Variants in TMEM243 observed in about 807,000 individuals in gnomAD.
TMEM243 encodes transmembrane protein 243, also known as MDR1 and mitochondrial taxol resistance associated.
TMEM243 carries 20 observed loss-of-function variants against 15.0 expected under a neutral mutation model. That is an observed-to-expected ratio of 1.33 (90% CI 0.94 to 1.93). The LOEUF is 1.93. Among genes scored for constraint, TMEM243 ranks in the 30% most tolerant of loss-of-function variants. The pLI is 0.00. For missense variants in TMEM243, 156 were observed against 142.1 expected, an observed-to-expected ratio of 1.10 and a Z score of -0.50; for synonymous variants, 72 against 52.7, an observed-to-expected ratio of 1.37 and a Z score of -1.59.
At chr7:87,211,026 C>G (rs1358501657) in intron 1 of TMEM243, among the ~76,000 whole-genome samples, 3 of 152,238 alleles carry the variant, frequency 2.0e-5, no homozygotes, top group Admixed American at 2.0e-4. Flanking sequence ...GCACTGGAGT[C>G]CAGGACCTGA....
In TMEM243 at chr7:87,197,986, G is replaced by C. The variant is rs111700668; in HGVS notation, c.189C>G (p.Phe63Leu). The stretch of plus-strand genomic sequence containing the variant: ...TACTCAAAGAGATGCAGACAGCAAA[G>C]AATATATTCAACGGTTTTGGAGGTA... ...PQLPPKPLNI[F>L]FAVCISLSSI... The change falls in exon 3 of 4, where the codon TTC becomes TTG. Residue 63 changes from phenylalanine (F) to leucine (L), a missense_variant. Transcript: ENST00000257637. 3.7e-6 allele frequency: 6 copies of C among 1,613,020 alleles called. No homozygotes were observed. The East Asian group carries it at 8.9e-5, about 24-fold the overall frequency.
At chr7:87,210,759 T>C (rs532632155) in intron 1 of TMEM243, among the ~76,000 whole-genome samples, 2 of 152,270 alleles carry the variant, frequency 1.3e-5, no homozygotes, top group South Asian at 4.1e-4. Context: ...TGGCGCTGAG[T>C]GTCTGTGGCT....
intron 1 of TMEM243, among the ~76,000 whole-genome samples, chr7:87,214,253 TGA>T (rs932557154): frequency 2.6e-5 from 4 of 152,232 alleles, no homozygotes; most frequent in African/African-American, 4.8e-5. Context: ...AGATCAAGAC[TGA>T]CTCGCAAGCC....
At chr7:87,197,056 A>C (rs919970560) in intron 3 of TMEM243, among the ~76,000 whole-genome samples, 5 of 152,130 alleles carry the variant, frequency 3.3e-5, no homozygotes, top group Non-Finnish European at 7.4e-5. Context: ...ATACTACTTA[A>C]CAGGAAAGGA....
chr7:87,209,644 G>A (rs1802513113), intron 1 of TMEM243, among the ~76,000 whole-genome samples: 1 of 79,272 alleles, frequency 1.3e-5, no homozygotes, highest in Non-Finnish European at 2.4e-5. Flanking sequence ...GAGCGAGAGA[G>A]ACAGTGAGAG....
In TMEM243 at chr7:87,198,064, T is replaced by C. The variant is rs370336373; in HGVS notation, c.130-19A>G. The C allele has an allele frequency of 2.6e-5, 42 of 1,601,120 alleles. 1 individual carries two copies. The highest frequency in any genetic ancestry group is 1.7e-4 in the Middle Eastern group (1 of 6,012). On this transcript the variant is annotated intron_variant, in intron 2 of 3. Coordinates refer to ENST00000257637, the MANE Select transcript of TMEM243 (RefSeq NM_024315.4). Reference sequence around the variant, plus strand: ...GCGTTACCTGTATGAAGAGAAATTATGTAAGGCCTTAACAGTAATTCCAAG... The same window carrying C: ...GCGTTACCTGTATGAAGAGAAATTACGTAAGGCCTTAACAGTAATTCCAAG...
Position 87,209,877 on chromosome 7 carries a change from TGA to T in TMEM243, c.78+9547_78+9548del, listed in dbSNP as rs1459973423. Among the ~76,000 whole-genome samples, 43 of 112,758 alleles carry T rather than the reference TGA, an allele frequency of 3.8e-4. 1 individual carries two copies. Among genetic ancestry groups the T allele is most frequent in the African/African-American group, 1.5e-3 (42 of 27,156 alleles). The allele number at this position is 112,758 out of a possible 152,430, so 74.0% of individuals were successfully genotyped here. ...GAGAGAGAGAGAGAGCAAGAGACAG[TGA>T]GAGCGTGAGAGACAGTGAGAGAGTG... On this transcript the variant is annotated intron_variant, in intron 1 of 3. Transcript: ENST00000257637.
At chr7:87,199,825 A>G (rs998335904) in intron 1 of TMEM243, among the ~76,000 whole-genome samples, 5 of 152,206 alleles carry the variant, frequency 3.3e-5, no homozygotes, top group Admixed American at 2.6e-4. Context: ...TTGAAACCAG[A>G]GATTCCTAAA....
At chr7:87,205,369 AG>A (rs1378226397) in intron 1 of TMEM243, among the ~76,000 whole-genome samples, 3 of 150,674 alleles carry the variant, frequency 2.0e-5, no homozygotes, top group Non-Finnish European at 4.4e-5. Context: ...TTGCATTGTC[AG>A]GCTGCAAGTT....
intron 1 of TMEM243, among the ~76,000 whole-genome samples, chr7:87,215,494 CTTGT>C (rs1355701362): frequency 6.6e-6 from 1 of 152,050 alleles, no homozygotes; most frequent in Non-Finnish European, 1.5e-5. Context: ...TAATATTTCA[CTTGT>C]TTCTTTATAC....
intron 3 of TMEM243, among the ~76,000 whole-genome samples, chr7:87,197,448 C>T (rs1175272344): frequency 6.6e-6 from 1 of 152,060 alleles, no homozygotes; most frequent in Non-Finnish European, 1.5e-5. Context: ...GTAAATCAAA[C>T]ATTTTTACAA....
chr7:87,196,469 A>G lies in TMEM243; in HGVS notation c.*167T>C. The stretch of plus-strand genomic sequence containing the variant: ...AGCTCCTTAAAGAAAAAGCAAAGTG[A>G]TCTAGGATATGTCTCCCTTGCAAGA... On this transcript the variant is annotated 3_prime_UTR_variant, in exon 4 of 4. Transcript: ENST00000257637. The G allele has an allele frequency of 1.5e-6, 1 of 648,010 alleles. No homozygotes were observed. The allele number at this position is 648,010 out of a possible 1,614,324, so 40.1% of individuals were successfully genotyped here. A position where few individuals can be genotyped will look rare whatever the true frequency, so the allele number is the denominator to read the frequency against.
Position 87,197,965 on chromosome 7 carries a change from C to T in TMEM243, c.210G>A (p.Leu70=). ...LNIFFAVCIS[L]SSITACILIY... is the part of the protein sequence containing the mutation. ...CAAGTATGCAGGCAGTAATACTACT[C>T]AAAGAGATGCAGACAGCAAAGAATA... Residue 70 remains leucine (L), a synonymous_variant, in exon 3 of 4, where the codon TTG becomes TTA. Coordinates refer to ENST00000257637, the MANE Select transcript of TMEM243 (RefSeq NM_024315.4). 1 of 1,612,994 alleles carries T rather than the reference C, an allele frequency of 6.2e-7. No homozygotes were observed. The highest frequency in any genetic ancestry group is 8.5e-7 in the Non-Finnish European group (1 of 1,179,346).
chr7:87,201,487 A>C (rs1801806347), intron 1 of TMEM243, among the ~76,000 whole-genome samples: 1 of 152,200 alleles, frequency 6.6e-6, no homozygotes, highest in Non-Finnish European at 1.5e-5. Context: ...TATTAAGTTC[A>C]AATCACAGGG....
At chr7:87,207,733 CTA>C (rs1436289652) in intron 1 of TMEM243, among the ~76,000 whole-genome samples, 5 of 152,160 alleles carry the variant, frequency 3.3e-5, no homozygotes. Context: ...TCTAAACTTT[CTA>C]TGTGATTCTA....
intron 3 of TMEM243, 54 bp from the exon 4 acceptor site, chr7:87,196,812 T>C (rs1801307699): frequency 3.9e-6 from 5 of 1,284,708 alleles, no homozygotes; most frequent in Non-Finnish European, 5.4e-6. Flanking sequence ...ACATTTTCTC[T>C]ACCAATTTCA....
intron 1 of TMEM243, among the ~76,000 whole-genome samples, chr7:87,211,217 G>A (rs1442436194): frequency 2.0e-5 from 3 of 152,122 alleles, no homozygotes; most frequent in South Asian, 4.2e-4. Flanking sequence ...TTTGGTCTAG[G>A]AACAATACCT....
At chr7:87,196,798 TATAAC>T (rs1198916824) in intron 3 of TMEM243, 40 bp from the exon 4 acceptor site, 1 of 1,395,888 alleles carries the variant, frequency 7.2e-7, no homozygotes, top group East Asian at 2.5e-5. Flanking sequence ...AAATTTGAAA[TATAAC>T]ATTTTCTCTA....
intron 1 of TMEM243, among the ~76,000 whole-genome samples, chr7:87,215,638 A>G (rs1378792163): frequency 1.3e-5 from 2 of 152,162 alleles, no homozygotes; most frequent in African/African-American, 4.8e-5. Context: ...ATTTCTTATC[A>G]TCTTGGTATC....
Sources: allele counts gnomAD v4.1 joint callset (sites outside exome capture counted in the v4.1 genomes callset), GRCh38; gene constraint gnomAD v4.1.1; transcripts MANE v1.5; gene names NCBI Gene and HGNC (gene_info 2026-07-23, HGNC 2026-07-21).